The following COL6A6 variants were observed in gnomAD, a reference collection of about 807,000 sequenced individuals.
COL6A6 encodes the protein collagen alpha-6(VI) chain.
COL6A6 carries 183 observed loss-of-function variants against 208.6 expected under a neutral mutation model. The ratio of observed to expected loss-of-function variants is 0.88; its 90% confidence interval spans 0.78 to 0.99. COL6A6 has a LOEUF of 0.99. Among genes scored for constraint, COL6A6 ranks in the 50% least tolerant of loss-of-function variants. The pLI is 0.00. For missense variants in COL6A6, 2,816 were observed against 2,815.2 expected, an observed-to-expected ratio of 1.00 and a Z score of -0.01; for synonymous variants, 973 against 1,011.8, an observed-to-expected ratio of 0.96 and a Z score of 0.73.
intron 1 of COL6A6, among the ~76,000 whole-genome samples, chr3:130,521,460 G>T (rs1197773409): frequency 6.6e-6 from 1 of 152,176 alleles, no homozygotes; most frequent in East Asian, 1.9e-4. Context: ...AGCATGTGTA[G>T]TTAACTTTAT....
At chr3:130,654,177 G>A (rs1046440476) in intron 33 of COL6A6, among the ~76,000 whole-genome samples, 4 of 152,236 alleles carry the variant, frequency 2.6e-5, no homozygotes, top group Non-Finnish European at 5.9e-5. Flanking sequence ...TGTTTGGGGA[G>A]AGCAAAACTT....
At chr3:130,640,330 C>T (rs1208313689) in intron 28 of COL6A6, among the ~76,000 whole-genome samples, 1 of 151,364 alleles carries the variant, frequency 6.6e-6, no homozygotes, top group Non-Finnish European at 1.5e-5. Flanking sequence ...TTATGGCTGT[C>T]ATCTCCTTTT....
intron 1 of COL6A6, among the ~76,000 whole-genome samples, chr3:130,544,929 A>G (rs1177278395): frequency 6.6e-6 from 1 of 152,196 alleles, no homozygotes; most frequent in Non-Finnish European, 1.5e-5. Context: ...CTTATTAGAT[A>G]TATGGTTTTC....
At chr3:130,575,477 G>T (rs897511537) in intron 8 of COL6A6, among the ~76,000 whole-genome samples, 4 of 152,140 alleles carry the variant, frequency 2.6e-5, no homozygotes, top group African/African-American at 9.7e-5. Context: ...GGAAATAAAA[G>T]AACCTTCTTT....
chr3:130,621,770 A>G lies in COL6A6; in HGVS notation c.4816-51A>G. 2.0e-6 allele frequency: 3 copies of G among 1,513,952 alleles called. No homozygotes were observed. The Admixed American group carries it at 5.1e-5, about 26-fold the overall frequency. 93.8% of individuals were successfully genotyped at this position (1,513,952 alleles called of 1,614,324 possible). A position where few individuals can be genotyped will look rare whatever the true frequency, so the allele number is the denominator to read the frequency against. ...CTCTTATAAGACAGAGGGTTTGAAG[A>G]AAAGTTGCTTTATGTTTTGCTATAT... On this transcript the variant is annotated intron_variant, in intron 23 of 36. Coordinates refer to ENST00000358511, the MANE Select transcript of COL6A6 (RefSeq NM_001102608.3).
intron 19 of COL6A6, among the ~76,000 whole-genome samples, 169 bp downstream of exon 19, chr3:130,598,599 C>G (rs944693429): frequency 6.6e-6 from 1 of 152,160 alleles, no homozygotes; most frequent in Non-Finnish European, 1.5e-5. Context: ...ATGTACTACT[C>G]TGGGATTTGA....
intron 8 of COL6A6, among the ~76,000 whole-genome samples, chr3:130,576,354 C>T (rs1045396107): frequency 2.1e-4 from 32 of 152,176 alleles, no homozygotes; most frequent in African/African-American, 7.2e-4. Flanking sequence ...CTTTTCCAAA[C>T]TGCAGTCTTA....
intron 6 of COL6A6, among the ~76,000 whole-genome samples, chr3:130,569,771 A>G (rs2063115970): frequency 1.3e-5 from 2 of 152,220 alleles, no homozygotes; most frequent in Admixed American, 1.3e-4. Context: ...TAGTTCTTCT[A>G]CGTAAATTCC....
intron 1 of COL6A6, among the ~76,000 whole-genome samples, chr3:130,518,561 G>A (rs1237370870): frequency 6.6e-6 from 1 of 152,156 alleles, no homozygotes; most frequent in Non-Finnish European, 1.5e-5. Context: ...GGGCTGGAGT[G>A]CAATGCGCCA....
chr3:130,663,936 T>C (rs146239571), intron 35 of COL6A6, among the ~76,000 whole-genome samples: 127 of 152,360 alleles, frequency 8.3e-4, no homozygotes, highest in Middle Eastern at 3.4e-3. Context: ...CAAGTCTACA[T>C]GCTTAATTCC....
chr3:130,599,168 T>C (rs1384791126), intron 19 of COL6A6, among the ~76,000 whole-genome samples: 1 of 152,178 alleles, frequency 6.6e-6, no homozygotes, highest in East Asian at 1.9e-4. Flanking sequence ...GAATTAATGA[T>C]ATTTAATTTA....
At chr3:130,626,227 A>C (rs1378079219) in intron 24 of COL6A6, among the ~76,000 whole-genome samples, 1 of 152,198 alleles carries the variant, frequency 6.6e-6, no homozygotes, top group Non-Finnish European at 1.5e-5. Context: ...AACAGTATAG[A>C]GCTTTTCTCT....
chr3:130,609,392 G>C (rs1024735305), intron 22 of COL6A6, among the ~76,000 whole-genome samples: 2 of 152,218 alleles, frequency 1.3e-5, no homozygotes, highest in African/African-American at 4.8e-5. Flanking sequence ...GGAGACATCA[G>C]TGGGGTTATC....
At chr3:130,546,257 C>T (rs372393077) in intron 1 of COL6A6, among the ~76,000 whole-genome samples, 13 of 152,034 alleles carry the variant, frequency 8.6e-5, no homozygotes, top group Non-Finnish European at 1.6e-4. Context: ...TTTGTGGTCT[C>T]GCTGGCTTCA....
chr3:130,670,089 A>G (rs1368656849), intron 36 of COL6A6, among the ~76,000 whole-genome samples: 2 of 152,220 alleles, frequency 1.3e-5, no homozygotes, highest in African/African-American at 4.8e-5. Context: ...TCTCTTGCTT[A>G]CCTTGACAGG....
chr3:130,586,283 C>T (rs1267770140), intron 10 of COL6A6, among the ~76,000 whole-genome samples: 4 of 152,160 alleles, frequency 2.6e-5, no homozygotes, highest in Non-Finnish European at 5.9e-5. Flanking sequence ...TTACAATTTT[C>T]CCTGTCTCCA....
In COL6A6 at chr3:130,621,845, GC is replaced by G. The variant is rs760127030; in HGVS notation, c.4841del (p.Ala1614GlufsTer77). 1.9e-6 allele frequency: 3 copies of G among 1,613,878 alleles called. No individual in the cohort carries two copies. In the Admixed American group the frequency reaches 5.0e-5, roughly 27 times the overall value. The stretch of plus-strand genomic sequence containing the variant: ...GGGGCCTCCAGGACCCGGAGGAGAG[GC>G]AGGGAATCAAGGCCGTTTGGGAAGC... Reference protein sequence around the residue: ...PQGPPGPGGEAGNQGRLGSQG... With the variant: ...PQGPPGPGGEXGNQGRLGSQG... On this transcript the variant is annotated frameshift_variant, in exon 24 of 37. Coordinates refer to ENST00000358511, the MANE Select transcript of COL6A6 (RefSeq NM_001102608.3). LOFTEE classifies it high-confidence loss of function.
rs748978614 is a variant in COL6A6, at chr3:130,568,214, A to G, written c.2011A>G (p.Lys671Glu). 9.9e-6 allele frequency: 16 copies of G among 1,613,906 alleles called. No individual in the cohort carries two copies. Among genetic ancestry groups the G allele is most frequent in the Admixed American group, 6.7e-5 (4 of 60,008 alleles). ...IGVVQFSDINKEEFQLNRFMS... is the reference protein window; with the variant it reads ...IGVVQFSDINEEEFQLNRFMS... ...TGTAGTCCAGTTCAGCGACATCAAT[A>G]AGGAAGAGTTTCAGCTCAACAGATT... The change falls in exon 6 of 37, where the codon AAG (lysine) becomes GAG (glutamate). Residue 671 changes from lysine to glutamate, a missense_variant. Coordinates refer to ENST00000358511, the MANE Select transcript of COL6A6 (RefSeq NM_001102608.3).
intron 1 of COL6A6, 61 bp from the exon 2 acceptor site, chr3:130,560,273 A>G: frequency 1.9e-6 from 2 of 1,031,388 alleles, no homozygotes; most frequent in Non-Finnish European, 2.9e-6. Context: ...ATGCTCTTGT[A>G]TGTGAGTCTT....
Sources: allele counts gnomAD v4.1 joint callset (sites outside exome capture counted in the v4.1 genomes callset), GRCh38; gene constraint gnomAD v4.1.1; transcripts MANE v1.5; gene names NCBI Gene and HGNC (gene_info 2026-07-23, HGNC 2026-07-21).